VWCE: variants seen among roughly 807,000 people sequenced by gnomAD.
The protein encoded by VWCE is von Willebrand factor C and EGF domains.
In VWCE, 68 loss-of-function variants were observed where a neutral mutation model predicts 102.9. The observed-to-expected ratio is 0.66, with a 90% confidence interval of 0.54 to 0.81. The LOEUF (loss-of-function observed/expected upper bound fraction) is 0.81, where lower values mean the gene tolerates loss of function less well. VWCE is among the 30% of genes least tolerant of loss of function. VWCE has a pLI of 0.00. For missense variants in VWCE, 1,137 were observed against 1,263.6 expected, an observed-to-expected ratio of 0.90 and a Z score of 1.52; for synonymous variants, 497 against 515.4, an observed-to-expected ratio of 0.96 and a Z score of 0.48.
intron 7 of VWCE, 119 bp downstream of exon 7, chr11:61,281,667 G>A (rs1855139699): frequency 2.2e-6 from 3 of 1,333,762 alleles, no homozygotes; most frequent in East Asian, 2.7e-5. Flanking sequence ...GGAGCTGAGA[G>A]GGCGTGGCTG....
In VWCE at chr11:61,268,795, T is replaced by C. The variant is rs1451042854; in HGVS notation, c.1882+127A>G. On this transcript the variant is annotated intron_variant, in intron 15 of 19. Coordinates refer to ENST00000335613, the MANE Select transcript of VWCE (RefSeq NM_152718.2). ...GTAAACTGTTCTACCTCAGTTTCCT[T>C]ATCTGTGCAATGGGGTTGTCCCTTG... The C allele has an allele frequency of 1.2e-5, 11 of 891,586 alleles. No homozygotes were observed. The East Asian group carries it at 2.9e-4, about 23-fold the overall frequency. 55.2% of individuals were successfully genotyped at this position (891,586 alleles called of 1,614,324 possible). A position where few individuals can be genotyped will look rare whatever the true frequency, so the allele number is the denominator to read the frequency against.
At chr11:61,293,921 G>A (rs766808513) in intron 1 of VWCE, among the ~76,000 whole-genome samples, 1 of 152,182 alleles carries the variant, frequency 6.6e-6, no homozygotes, top group Non-Finnish European at 1.5e-5. Context: ...AGCTGGCAGT[G>A]AAGTCTCATC....
intron 19 of VWCE, 92 bp from the exon 20 acceptor site, chr11:61,259,404 C>G (rs1854290676): frequency 2.0e-6 from 3 of 1,473,470 alleles, no homozygotes; most frequent in Non-Finnish European, 2.7e-6. Context: ...CACCCAAGCT[C>G]TGTCCTCAGA....
rs1345894352 is a variant in VWCE, at chr11:61,294,531, C to T, written c.110+397G>A. ...CGTAGGGCCAAGACCCAGGGAAAGC[C>T]CCGCGCGGCAGGGGAGGCCAGGCGC... On this transcript the variant is annotated intron_variant, in intron 1 of 19. Transcript: ENST00000335613. This position sits in a 1 kb window ranked among gnomAD's most constrained non-coding sequence, Gnocchi z 6.3. 6.6e-6 allele frequency among the ~76,000 whole-genome samples: 1 copy of T among 152,190 alleles called. No individual in the cohort carries two copies. Among genetic ancestry groups the T allele is most frequent in the Non-Finnish European group, 1.5e-5 (1 of 68,034 alleles).
Position 61,294,981 on chromosome 11 carries a change from TGCCCCCGGCAGCAGGA to T in VWCE, c.41_56del (p.Leu14HisfsTer113). 6.8e-7 allele frequency: 1 copy of T among 1,474,078 alleles called. No individual in the cohort carries two copies. Among genetic ancestry groups the T allele is most frequent in the East Asian group, 2.9e-5 (1 of 34,872 alleles). The allele number at this position is 1,474,078 out of a possible 1,614,324, so 91.3% of individuals were successfully genotyped here. On this transcript the variant is annotated frameshift_variant, in exon 1 of 20. Transcript: ENST00000335613. LOFTEE classifies it high-confidence loss of function. This position sits in a 1 kb window ranked among gnomAD's most constrained non-coding sequence, Gnocchi z 6.3. ...TCCTCCCGGTGTAGCCTCGGGCTGG[TGCCCCCGGCAGCAGGA>T]GCGCGACACAGGCGGCCCGAAGGAG...
chr11:61,259,144 TGGA>T lies in VWCE; in HGVS notation c.2396_2398del (p.Leu799del). On this transcript the variant is annotated inframe_deletion, in exon 20 of 20. Coordinates refer to ENST00000335613, the MANE Select transcript of VWCE (RefSeq NM_152718.2). Reference sequence around the variant, plus strand: ...CATCAAGTTCGTTCTTAAAAGGAGCTGGAGGAGATGAAGCACCGGCCTCGAGGG... The same window carrying T: ...CATCAAGTTCGTTCTTAAAAGGAGCTGGAGATGAAGCACCGGCCTCGAGGG... The T allele has an allele frequency of 6.2e-7, 1 of 1,614,032 alleles. No individual in the cohort carries two copies. Among genetic ancestry groups the T allele is most frequent in the Non-Finnish European group, 8.5e-7 (1 of 1,180,000 alleles).
chr11:61,294,934 G>A lies in VWCE; in HGVS notation c.104C>T (p.Ala35Val). ...TGRKPPGHFA[A>V]ERRRLGPHVC... ...AGGAGCTCCGGGCGCTTACCTCTCG[G>A]CCGCGAAGTGCCCGGGCGGCTTCCT... The change falls in exon 1 of 20, where the codon GCC becomes GTC. Residue 35 changes from alanine (A) to valine (V), a missense_variant. This residue lies in a region of VWCE where 575 missense variants were observed against 625.9 expected (regional missense o/e 0.92). Coordinates refer to ENST00000335613, the MANE Select transcript of VWCE (RefSeq NM_152718.2). This position sits in a 1 kb window ranked among gnomAD's most constrained non-coding sequence, Gnocchi z 6.3. 1.4e-6 allele frequency: 2 copies of A among 1,438,896 alleles called. No individual in the cohort carries two copies. Among genetic ancestry groups the A allele is most frequent in the South Asian group, 1.4e-5 (1 of 73,506 alleles). 89.1% of individuals were successfully genotyped at this position (1,438,896 alleles called of 1,614,324 possible). A position where few individuals can be genotyped will look rare whatever the true frequency, so the allele number is the denominator to read the frequency against.
rs1338816264 is a variant in VWCE, at chr11:61,271,663, G to A, written c.1785+12C>T. On this transcript the variant is annotated intron_variant, in intron 14 of 19. Transcript: ENST00000335613. ...AGGTAAAGCAGCTGAAGGCGAGCAG[G>A]TTGTCATTCACCTGGCAGATGCATA... 3 of 1,608,230 alleles carry A rather than the reference G, an allele frequency of 1.9e-6. No individual in the cohort carries two copies. The African/African-American group carries it at 4.0e-5, about 21-fold the overall frequency.
intron 10 of VWCE, 138 bp from the exon 11 acceptor site, chr11:61,276,818 G>T: frequency 2.9e-6 from 1 of 346,610 alleles, no homozygotes; most frequent in Non-Finnish European, 4.8e-6. Context: ...ACCCCAGCCT[G>T]GGCAACAAAA....
Position 61,294,993 on chromosome 11 carries a change from C to T in VWCE, c.45G>A (p.Leu15=). Reference sequence around the variant, plus strand: ...AGCCTCGGGCTGGTGCCCCCGGCAGCAGGAGCGCGACACAGGCGGCCCGAA... The same window carrying T: ...AGCCTCGGGCTGGTGCCCCCGGCAGTAGGAGCGCGACACAGGCGGCCCGAA... ...LLLRAACVAL[L]LPGAPARGYT... The change falls in exon 1 of 20, where the codon CTG becomes CTA. Residue 15 remains leucine (L), a synonymous_variant. Transcript: ENST00000335613. The surrounding 1 kb of genome is among the most constrained non-coding windows in gnomAD (Gnocchi z 6.3). The T allele has an allele frequency of 6.8e-7, 1 of 1,474,262 alleles. No homozygotes were observed. The highest frequency in any genetic ancestry group is 2.4e-4 in the Middle Eastern group (1 of 4,204). 91.3% of individuals were successfully genotyped at this position (1,474,262 alleles called of 1,614,324 possible).
At chr11:61,273,808 G>A (rs535957058) in intron 12 of VWCE, 2 of 162,704 alleles carry the variant, frequency 1.2e-5, no homozygotes, top group South Asian at 1.7e-4. Context: ...AGCAGAGAGA[G>A]TCTCTATAAC....
chr11:61,285,619 G>C (rs1180680236), intron 5 of VWCE, among the ~76,000 whole-genome samples: 1 of 152,058 alleles, frequency 6.6e-6, no homozygotes, highest in Admixed American at 6.6e-5. Flanking sequence ...TGGCTCCTCG[G>C]GACTCATGGC....
chr11:61,259,382 G>T, intron 19 of VWCE, 70 bp from the exon 20 acceptor site: 1 of 1,504,644 alleles, frequency 6.6e-7, no homozygotes. Context: ...CTGGGACAAG[G>T]TATACCAGGG....
chr11:61,273,098 A>C, intron 13 of VWCE, 101 bp downstream of exon 13: 1 of 1,210,732 alleles, frequency 8.3e-7, no homozygotes, highest in Middle Eastern at 1.9e-4. Flanking sequence ...GTACACACAC[A>C]CACAAACAGC....
chr11:61,279,392 A>C (rs933863456), intron 9 of VWCE, among the ~76,000 whole-genome samples: 1 of 152,100 alleles, frequency 6.6e-6, no homozygotes, highest in African/African-American at 2.4e-5. Context: ...CAACATGGCG[A>C]AACACTGTTG....
chr11:61,293,249 A>C (rs1469490432), intron 1 of VWCE, among the ~76,000 whole-genome samples: 3 of 147,516 alleles, frequency 2.0e-5, no homozygotes, highest in Non-Finnish European at 4.5e-5. Context: ...CTCAAAAAAA[A>C]AAAAAAAAAA....
chr11:61,271,375 GACCTT>G, intron 14 of VWCE: 2 of 300,288 alleles, frequency 6.7e-6, no homozygotes, highest in Non-Finnish European at 1.3e-5. Flanking sequence ...TCGATCTCCT[GACCTT>G]GTGATCCACC....
At position 61,258,694 on chromosome 11, in the gene VWCE, C is replaced by A; in HGVS notation, c.2849G>T (p.Gly950Val). The A allele has an allele frequency of 7.2e-7, 1 of 1,394,830 alleles. No homozygotes were observed. The highest frequency in any genetic ancestry group is 9.3e-7 in the Non-Finnish European group (1 of 1,071,366). The allele number at this position is 1,394,830 out of a possible 1,614,324, so 86.4% of individuals were successfully genotyped here. A position where few individuals can be genotyped will look rare whatever the true frequency, so the allele number is the denominator to read the frequency against. ...PQQPPVGASR[G>V]EESTM is the part of the protein sequence containing the mutation. ...ACCTCCTTACATGGTGGACTCTTCC[C>A]CCCGAGAAGCCCCCACTGGGGGCTG... Residue 950 changes from glycine to valine, a missense_variant, in exon 20 of 20, where the codon GGG (glycine) becomes GTG (valine). Gly to Val is a moderately radical substitution (Grantham distance 109). Transcript: ENST00000335613.
At chr11:61,292,230 A>C (rs2134860096) in intron 1 of VWCE, among the ~76,000 whole-genome samples, 1 of 149,788 alleles carries the variant, frequency 6.7e-6, no homozygotes, top group East Asian at 1.9e-4. Context: ...CAAAACAAAA[A>C]AAAAAAAAAG....
Sources: allele counts gnomAD v4.1 joint callset (sites outside exome capture counted in the v4.1 genomes callset), GRCh38; gene constraint gnomAD v4.1.1; regional missense constraint gnomAD v4.1.1; non-coding constraint Gnocchi (gnomAD v3.1); transcripts MANE v1.5; gene names NCBI Gene and HGNC (gene_info 2026-07-23, HGNC 2026-07-21).